CNBD1: variants seen among roughly 807,000 people sequenced by gnomAD.
CNBD1 encodes the protein cyclic nucleotide binding domain containing 1.
A neutral mutation model predicts 54.4 loss-of-function variants in CNBD1; 71 were observed. That is an observed-to-expected ratio of 1.30 (90% CI 1.08 to 1.59). The LOEUF (loss-of-function observed/expected upper bound fraction) is 1.59. Among genes scored for constraint, CNBD1 ranks in the 40% most tolerant of loss-of-function variants. The pLI is 0.00. For synonymous variants in CNBD1, 182 were observed against 170.7 expected (o/e 1.07, Z -0.51); for missense variants, 659 against 518.0 (o/e 1.27, Z -2.64).
At chr8:87,135,740 A>G (rs1011767196) in intron 4 of CNBD1, among the ~76,000 whole-genome samples, 5 of 150,446 alleles carry the variant, frequency 3.3e-5, no homozygotes, top group Non-Finnish European at 5.9e-5. Flanking sequence ...TCCAACATAT[A>G]TATAATATAG....
At chr8:87,372,452 A>G (rs1046937847) in intron 10 of CNBD1, among the ~76,000 whole-genome samples, 1 of 151,910 alleles carries the variant, frequency 6.6e-6, no homozygotes, top group African/African-American at 2.4e-5. Context: ...TAAATACTTT[A>G]TAATGTTTGT....
chr8:87,303,928 C>T (rs1273832173), intron 8 of CNBD1, among the ~76,000 whole-genome samples: 1 of 152,064 alleles, frequency 6.6e-6, no homozygotes, highest in South Asian at 2.1e-4. Flanking sequence ...AAATCAAAAC[C>T]ACAATGAGAT....
chr8:86,975,785 G>C (rs951724174), intron 4 of CNBD1, among the ~76,000 whole-genome samples: 1 of 151,746 alleles, frequency 6.6e-6, no homozygotes, highest in African/African-American at 2.4e-5. Flanking sequence ...TCTATTTTTA[G>C]TTTTTTGGAG....
intron 8 of CNBD1, among the ~76,000 whole-genome samples, chr8:87,328,328 T>C (rs1334541023): frequency 6.6e-6 from 1 of 152,062 alleles, no homozygotes; most frequent in Non-Finnish European, 1.5e-5. Flanking sequence ...TTTAGTCTTT[T>C]AAATATAATT....
chr8:86,942,762 G>A (rs948425358), intron 4 of CNBD1, among the ~76,000 whole-genome samples: 3 of 152,214 alleles, frequency 2.0e-5, no homozygotes, highest in African/African-American at 7.2e-5. Flanking sequence ...TTTAAGGAAA[G>A]GGGATTGGGT....
chr8:87,348,492 A>T (rs1810218486), intron 8 of CNBD1, among the ~76,000 whole-genome samples: 1 of 152,304 alleles, frequency 6.6e-6, no homozygotes, highest in Non-Finnish European at 1.5e-5. Flanking sequence ...CAAAGATAAC[A>T]TTAATTGGTA....
At chr8:87,400,242 C>T (rs557217028) in intron 2 of CNBD1, among the ~76,000 whole-genome samples, 2 of 151,910 alleles carry the variant, frequency 1.3e-5, no homozygotes, top group South Asian at 2.1e-4. Context: ...TGCATTTTTG[C>T]CATTACTTTT....
intron 4 of CNBD1, among the ~76,000 whole-genome samples, chr8:87,047,226 A>G (rs1810214894): frequency 1.3e-5 from 2 of 152,134 alleles, no homozygotes; most frequent in African/African-American, 2.4e-5. Context: ...CACCTAGTCT[A>G]AGGATGTGTC....
intron 4 of CNBD1, among the ~76,000 whole-genome samples, chr8:87,043,387 T>C (rs1488654635): frequency 6.6e-6 from 1 of 152,210 alleles, no homozygotes; most frequent in African/African-American, 2.4e-5. Flanking sequence ...TTCACAATAA[T>C]TTTGGTTGTA....
intron 10 of CNBD1, among the ~76,000 whole-genome samples, chr8:87,376,890 C>T (rs1334304332): frequency 6.6e-6 from 1 of 151,640 alleles, no homozygotes; most frequent in South Asian, 2.1e-4. Flanking sequence ...AAAATCAGAA[C>T]CTTAGAAAGA....
At position 87,221,953 on chromosome 8, in the gene CNBD1, G is replaced by T. The variant is rs144061097; in HGVS notation, c.578-14966G>T. Among the ~76,000 whole-genome samples, 349 of 152,126 alleles carry T rather than the reference G, an allele frequency of 2.3e-3. 7 individuals are homozygous for T. The highest frequency in any genetic ancestry group is 0.021 in the South Asian group (99 of 4,820). On this transcript the variant is annotated intron_variant, in intron 5 of 10. Coordinates refer to ENST00000518476, the MANE Select transcript of CNBD1 (RefSeq NM_173538.3). ...AATAACTACTCCTGGTACCTTAGAA[G>T]AGGAAAAATTGGACCTATGCAAAAT...
At chr8:87,399,839 A>C (rs574889477) in intron 2 of CNBD1, among the ~76,000 whole-genome samples, 2 of 152,098 alleles carry the variant, frequency 1.3e-5, no homozygotes, top group African/African-American at 4.8e-5. Context: ...TAACTGGTAC[A>C]GCTGAACTAG....
chr8:87,288,319 A>T (rs1585985826), intron 8 of CNBD1, among the ~76,000 whole-genome samples: 1 of 152,154 alleles, frequency 6.6e-6, no homozygotes, highest in East Asian at 1.9e-4. Context: ...GTTTTGTCAC[A>T]GGTTTCCCAC....
intron 5 of CNBD1, among the ~76,000 whole-genome samples, chr8:87,228,237 A>C (rs930729570): frequency 8.0e-5 from 12 of 150,834 alleles, no homozygotes; most frequent in African/African-American, 2.5e-4. Context: ...TTCTTCTCTC[A>C]GCTCGTCAAA....
intron 8 of CNBD1, among the ~76,000 whole-genome samples, chr8:87,300,308 A>T (rs1340994979): frequency 6.6e-6 from 1 of 152,214 alleles, no homozygotes; most frequent in Non-Finnish European, 1.5e-5. Flanking sequence ...ACAGCATGCT[A>T]TAATGACAAT....
At chr8:87,050,534 A>G (rs1479078274) in intron 4 of CNBD1, among the ~76,000 whole-genome samples, 1 of 152,180 alleles carries the variant, frequency 6.6e-6, no homozygotes, top group African/African-American at 2.4e-5. Context: ...CTGTCTCAGA[A>G]TCCTTGAGGC....
intron 4 of CNBD1, among the ~76,000 whole-genome samples, chr8:86,979,738 T>A (rs1808432596): frequency 6.6e-6 from 1 of 152,114 alleles, no homozygotes; most frequent in Non-Finnish European, 1.5e-5. Flanking sequence ...ATATAAGAAG[T>A]CCCATAAGGT....
chr8:87,290,277 G>T (rs1808762542), intron 8 of CNBD1, among the ~76,000 whole-genome samples: 1 of 151,822 alleles, frequency 6.6e-6, no homozygotes, highest in Admixed American at 6.6e-5. Context: ...TATTTATAGG[G>T]TTCATTATAT....
chr8:87,242,644 G>A (rs1246850051), intron 6 of CNBD1, among the ~76,000 whole-genome samples: 2 of 152,170 alleles, frequency 1.3e-5, no homozygotes, highest in East Asian at 3.9e-4. Context: ...TAATGATTGA[G>A]GTTTTATGCC....
Sources: gnomAD v4.1 joint callset for allele counts (sites outside exome capture counted in the v4.1 genomes callset) on GRCh38, gnomAD v4.1.1 for gene constraint, MANE v1.5 for transcripts, NCBI Gene and HGNC (gene_info 2026-07-23, HGNC 2026-07-21) for gene names.